CD163L1: variants seen among roughly 807,000 people sequenced by gnomAD.
CD163L1 encodes CD163 molecule like 1, also known as scavenger receptor cysteine-rich type 1 protein M160.
In CD163L1, 124 loss-of-function variants were observed where a neutral mutation model predicts 165.4. The ratio of observed to expected loss-of-function variants is 0.75; its 90% CI spans 0.65 to 0.87. The LOEUF (loss-of-function observed/expected upper bound fraction) is 0.87, where lower values mean the gene tolerates loss of function less well. Ranked by LOEUF, CD163L1 falls within the 40% of genes least tolerant of loss-of-function variation. The probability of loss-of-function intolerance (pLI) is 0.00; values close to 1 mark genes in which losing one functional copy is unlikely to be tolerated. For synonymous variants in CD163L1, 585 were observed against 662.2 expected (o/e 0.88, Z 1.79); for missense variants, 1,525 against 1,799.9 (o/e 0.85, Z 2.76).
rs1323828514 is a variant in CD163L1 at position 7,421,466 on chromosome 12, T to G, written c.766+10950A>C. On this transcript the variant is annotated intron_variant, in intron 4 of 19. Transcript: ENST00000313599. ...ATATACATATATGTACATATATACATATATATACATATATGTACATATATA... is the reference window on the plus strand; with the variant it reads ...ATATACATATATGTACATATATACAGATATATACATATATGTACATATATA... Among the ~76,000 whole-genome samples the G allele has an allele frequency of 4.9e-3, 458 of 92,870 alleles. 30 individuals carry two copies. The highest frequency in any genetic ancestry group is 0.025 in the African/African-American group (431 of 17,344). The allele number at this position is 92,870 out of a possible 152,430, so 60.9% of individuals were successfully genotyped here. A position where few individuals can be genotyped will look rare whatever the true frequency, so the allele number is the denominator to read the frequency against.
rs1947958101 is a variant in CD163L1 at position 7,403,714 on chromosome 12, A to G, written c.1229T>C (p.Leu410Pro). 6.2e-7 allele frequency: 1 copy of G among 1,614,096 alleles called. No individual in the cohort carries two copies. Among genetic ancestry groups the G allele is most frequent in the Non-Finnish European group, 8.5e-7 (1 of 1,179,980 alleles). ...GCCAAAGACGCTGAACGGACATCCT[A>G]GCTGCTTACAAACCACAAGGGCTTG... is the stretch of plus-strand genomic sequence containing the variant. Reference protein sequence around the residue: ...NEQALVVCKQLGCPFSVFGSR... With the variant: ...NEQALVVCKQPGCPFSVFGSR... The change falls in exon 6 of 20, where the codon CTA (leucine) becomes CCA (proline). Residue 410 changes from leucine (L) to proline (P), a missense_variant. Coordinates refer to ENST00000313599, the MANE Select transcript of CD163L1 (RefSeq NM_174941.6).
At position 7,407,640 on chromosome 12, in the gene CD163L1, G is replaced by GAT. The variant is rs1555200448; in HGVS notation, c.767-790_767-789dup. 1.7e-4 allele frequency among the ~76,000 whole-genome samples: 26 copies of GAT among 150,906 alleles called. 1 individual carries two copies. The South Asian group carries it at 2.7e-3, about 16-fold the overall frequency. ...GAAATAAGGAAAAGCTGAGAATTTG[G>GAT]ATATATATATACACACACACACATA... On this transcript the variant is annotated intron_variant, in intron 4 of 19. Coordinates refer to ENST00000313599, the MANE Select transcript of CD163L1 (RefSeq NM_174941.6).
intron 4 of CD163L1, among the ~76,000 whole-genome samples, chr12:7,426,027 A>C (rs553761808): frequency 1.3e-5 from 2 of 152,206 alleles, no homozygotes; most frequent in African/African-American, 2.4e-5. Flanking sequence ...AAAAGCAAAG[A>C]CTTGGAACCA....
intron 4 of CD163L1, among the ~76,000 whole-genome samples, chr12:7,429,563 G>A (rs1322277541): frequency 6.6e-6 from 1 of 151,990 alleles, no homozygotes. Flanking sequence ...TAGCTACAAG[G>A]CTGTACCCAT....
chr12:7,377,665 G>T (rs960664579), intron 9 of CD163L1, among the ~76,000 whole-genome samples: 1 of 152,072 alleles, frequency 6.6e-6, no homozygotes, highest in Admixed American at 6.5e-5. Flanking sequence ...AGTGGAAATT[G>T]TTCAGTTTCA....
At chr12:7,382,973 A>G (rs1281720351) in intron 8 of CD163L1, among the ~76,000 whole-genome samples, 2 of 152,132 alleles carry the variant, frequency 1.3e-5, no homozygotes, top group East Asian at 3.9e-4. Context: ...GTGTTCCCCC[A>G]TGATAAAGAG....
intron 4 of CD163L1, among the ~76,000 whole-genome samples, chr12:7,410,836 A>G (rs1948125399): frequency 6.7e-6 from 1 of 149,764 alleles, no homozygotes; most frequent in African/African-American, 2.4e-5. Context: ...TCTCAAAAAA[A>G]TAAAAAATAA....
At position 7,368,259 on chromosome 12, in the gene CD163L1, A is replaced by G. The variant is rs1240173086; in HGVS notation, c.4073-62T>C. ...GTAGATATCAATTGTGGGTTTATAC[A>G]TTGTAAAAAAAACTGGTTCCCTAGT... On this transcript the variant is annotated intron_variant, in intron 16 of 19. Coordinates refer to ENST00000313599, the MANE Select transcript of CD163L1 (RefSeq NM_174941.6). This position sits in a 1 kb window ranked among gnomAD's most constrained non-coding sequence, Gnocchi z 4.3. 5.4e-6 allele frequency: 5 copies of G among 919,890 alleles called. No individual in the cohort carries two copies. Among genetic ancestry groups the G allele is most frequent in the Admixed American group, 4.6e-5 (2 of 43,224 alleles). 57.0% of individuals were successfully genotyped at this position (919,890 alleles called of 1,614,324 possible).
At chr12:7,357,285 T>C (rs940289430) in intron 19 of CD163L1, 95 bp downstream of exon 19, 4 of 719,772 alleles carry the variant, frequency 5.6e-6, no homozygotes, top group Non-Finnish European at 7.2e-6. Flanking sequence ...TGACATAATA[T>C]ATGGTAATAT....
chr12:7,342,401 A>C (rs1046322302), downstream of CD163L1, among the ~76,000 whole-genome samples: 1 of 152,198 alleles, frequency 6.6e-6, no homozygotes, highest in Non-Finnish European at 1.5e-5. Flanking sequence ...TCCCATAAGG[A>C]ATACTTTTAG....
At chr12:7,402,295 C>T (rs759034685) in intron 6 of CD163L1, among the ~76,000 whole-genome samples, 1 of 152,036 alleles carries the variant, frequency 6.6e-6, no homozygotes, top group African/African-American at 2.4e-5. Flanking sequence ...AATGTTATAG[C>T]AAGTGAGAAA....
intron 4 of CD163L1, among the ~76,000 whole-genome samples, chr12:7,423,589 A>G (rs996097554): frequency 6.6e-6 from 1 of 152,168 alleles, no homozygotes; most frequent in Non-Finnish European, 1.5e-5. Flanking sequence ...TAGCCAGACT[A>G]ATAAGAAAGA....
intron 4 of CD163L1, among the ~76,000 whole-genome samples, chr12:7,422,463 T>TGTGGGTAA (rs1390284928): frequency 2.0e-5 from 3 of 151,944 alleles, no homozygotes; most frequent in East Asian, 1.9e-4. Flanking sequence ...AGAACGAGGC[T>TGTGGGTAA]TCAGAAGGTG....
chr12:7,326,371 A>C, the CD163L1 span, among the ~76,000 whole-genome samples: 1 of 152,038 alleles, frequency 6.6e-6, no homozygotes, highest in Non-Finnish European at 1.5e-5. Flanking sequence ...CACCCTGGTT[A>C]ATTTTCTTTT....
intron 8 of CD163L1, among the ~76,000 whole-genome samples, chr12:7,390,174 T>C (rs1327574674): frequency 2.0e-5 from 3 of 151,668 alleles, no homozygotes; most frequent in Non-Finnish European, 4.4e-5. Flanking sequence ...TAAATGATAG[T>C]TACCAGAGGC....
chr12:7,407,561 C>G (rs770081858), intron 4 of CD163L1, among the ~76,000 whole-genome samples: 1 of 150,282 alleles, frequency 6.7e-6, no homozygotes, highest in Non-Finnish European at 1.5e-5. Flanking sequence ...TTGACCACTA[C>G]GTATATGTAT....
chr12:7,345,319 G>C (rs1946662369), downstream of CD163L1, among the ~76,000 whole-genome samples: 1 of 152,108 alleles, frequency 6.6e-6, no homozygotes, highest in African/African-American at 2.4e-5. Context: ...TCTTCCACCA[G>C]ATGCCTTAAG....
In CD163L1 at chr12:7,424,347, A is replaced by G. The variant is rs749824695; in HGVS notation, c.766+8069T>C. On this transcript the variant is annotated intron_variant, in intron 4 of 19. Transcript: ENST00000313599. ...TGATGGAAGACATCTCAAAATAATA[A>G]GAGCTATTTATGACAAACCCATAGC... Among the ~76,000 whole-genome samples the G allele has an allele frequency of 5.3e-5, 8 of 152,264 alleles. No homozygotes were observed. In the South Asian group the frequency reaches 1.2e-3, roughly 24 times the overall value.
chr12:7,411,578 G>A (rs1163696888), intron 4 of CD163L1, among the ~76,000 whole-genome samples: 1 of 152,154 alleles, frequency 6.6e-6, no homozygotes, highest in Non-Finnish European at 1.5e-5. Flanking sequence ...CTCTTTCCAT[G>A]TGATATGCTG....
Sources: allele counts gnomAD v4.1 joint callset (sites outside exome capture counted in the v4.1 genomes callset), GRCh38; gene constraint gnomAD v4.1.1; non-coding constraint Gnocchi (gnomAD v3.1); transcripts MANE v1.5; gene names NCBI Gene and HGNC (gene_info 2026-07-23, HGNC 2026-07-21).